The following TRABD2B variants were observed in gnomAD, a reference collection of about 807,000 sequenced individuals.
TRABD2B encodes TraB domain containing 2B.
A neutral mutation model predicts 40.1 loss-of-function variants in TRABD2B; 14 were observed. The ratio of observed to expected loss-of-function variants is 0.35; its 90% CI spans 0.23 to 0.55. The LOEUF (loss-of-function observed/expected upper bound fraction) is 0.55. TRABD2B is among the 20% of genes least tolerant of loss of function. The pLI is 0.90. For missense variants in TRABD2B, 541 were observed against 648.6 expected, an observed-to-expected ratio of 0.83 and a Z score of 1.80; for synonymous variants, 263 against 277.0, an observed-to-expected ratio of 0.95 and a Z score of 0.50.
At chr1:47,988,796 A>C (rs1038131587) in intron 2 of TRABD2B, among the ~76,000 whole-genome samples, 5 of 152,214 alleles carry the variant, frequency 3.3e-5, no homozygotes, top group African/African-American at 4.8e-5. Context: ...AAAGGGGGGC[A>C]AATTAGGCCT....
chr1:47,962,496 G>T (rs572169377), intron 2 of TRABD2B, among the ~76,000 whole-genome samples: 49 of 152,188 alleles, frequency 3.2e-4, no homozygotes, highest in African/African-American at 9.6e-4. Flanking sequence ...CCTACAGTTT[G>T]CTCTGTCTCT....
At chr1:47,825,340 G>A (rs1210700802) in intron 2 of TRABD2B, among the ~76,000 whole-genome samples, 1 of 152,140 alleles carries the variant, frequency 6.6e-6, no homozygotes, top group East Asian at 1.9e-4. Flanking sequence ...GGCTCCCACT[G>A]CCTCCTTATC....
intron 2 of TRABD2B, among the ~76,000 whole-genome samples, chr1:47,817,794 C>G (rs1006791454): frequency 2.6e-5 from 4 of 152,184 alleles, no homozygotes; most frequent in African/African-American, 9.6e-5. Context: ...CCATCCCCAG[C>G]CACACCCAGA....
At chr1:47,968,549 C>T (rs1362822498) in intron 2 of TRABD2B, among the ~76,000 whole-genome samples, 2 of 152,132 alleles carry the variant, frequency 1.3e-5, no homozygotes, top group Admixed American at 6.5e-5. Flanking sequence ...CATGCACATG[C>T]GTGCACACAC....
At position 47,996,735 on chromosome 1, in the gene TRABD2B, C is replaced by G; in HGVS notation, c.55G>C (p.Ala19Pro). The G allele has an allele frequency of 8.2e-7, 1 of 1,226,478 alleles. No homozygotes were observed. The highest frequency in any genetic ancestry group is 1.0e-6 in the Non-Finnish European group (1 of 983,796). 76.0% of individuals were successfully genotyped at this position (1,226,478 alleles called of 1,614,324 possible). A position where few individuals can be genotyped will look rare whatever the true frequency, so the allele number is the denominator to read the frequency against. Residue 19 changes from alanine (A) to proline (P), a missense_variant, in exon 1 of 7, where the codon GCC becomes CCC. Physicochemically the swap from Ala to Pro is conservative, Grantham distance 27. Around this residue, in one of 2 missense-constraint regions of TRABD2B, gnomAD observed 369 missense variants for 492.8 expected, o/e 0.75. Transcript: ENST00000606738. The surrounding 1 kb of genome is among the most constrained non-coding windows in gnomAD (Gnocchi z 4.6). ...CCTCCGTCCGGGGGCTGCGGGCGGG[C>G]GCGAGCGGTGGCGAGGAGGGCGGCG... is the stretch of plus-strand genomic sequence containing the variant. ...LLAALLATAR[A>P]RPQPPDGGQC...
chr1:47,982,255 A>G (rs1645851563), intron 2 of TRABD2B, among the ~76,000 whole-genome samples: 1 of 152,174 alleles, frequency 6.6e-6, no homozygotes, highest in Non-Finnish European at 1.5e-5. Context: ...TCACTTCAAG[A>G]CAGACATTGT....
Position 47,761,197 on chromosome 1 carries a change from C to G in TRABD2B, c.*4705G>C, listed in dbSNP as rs892532845. The G allele has an allele frequency of 6.6e-6, 1 of 152,436 alleles. No homozygotes were observed. The highest frequency in any genetic ancestry group is 1.5e-5 in the Non-Finnish European group (1 of 68,206). 9.4% of individuals were successfully genotyped at this position (152,436 alleles called of 1,614,324 possible). On this transcript the variant is annotated 3_prime_UTR_variant, in exon 7 of 7. Transcript: ENST00000606738. ...CAGGAACTTGCCCAAGGTCATCCAG[C>G]AAAGTGAAGGAGTATCCAGAGTATC...
At chr1:47,970,664 G>A (rs775126910) in intron 2 of TRABD2B, among the ~76,000 whole-genome samples, 6 of 152,118 alleles carry the variant, frequency 3.9e-5, no homozygotes, top group Admixed American at 6.5e-5. Context: ...TGGGTCAGCC[G>A]GGGGTTGGTT....
intron 2 of TRABD2B, among the ~76,000 whole-genome samples, chr1:47,939,413 T>C (rs1645156621): frequency 6.6e-6 from 1 of 152,180 alleles, no homozygotes; most frequent in South Asian, 2.1e-4. Flanking sequence ...TAAATGATAG[T>C]AGTAGTAATA....
chr1:47,960,916 C>T (rs1390794265), intron 2 of TRABD2B, among the ~76,000 whole-genome samples: 2 of 151,994 alleles, frequency 1.3e-5, no homozygotes, highest in South Asian at 2.1e-4. Flanking sequence ...CAATCCTGAG[C>T]CAAAAGAACA....
chr1:47,789,688 G>C lies in TRABD2B; in HGVS notation c.988+4898C>G, dbSNP rs375290491. Among the ~76,000 whole-genome samples, 230 of 152,156 alleles carry C rather than the reference G, an allele frequency of 1.5e-3. 1 individual carries two copies. The highest frequency in any genetic ancestry group is 5.4e-3 in the African/African-American group (224 of 41,508). ...ATTAGAAGCCATCAGCTGAGAATTT[G>C]CTCCCTTTTTGGCTGCCAAATTACT... On this transcript the variant is annotated intron_variant, in intron 4 of 6. Transcript: ENST00000606738.
chr1:47,816,534 C>A (rs1450506104), intron 2 of TRABD2B, among the ~76,000 whole-genome samples: 1 of 152,164 alleles, frequency 6.6e-6, no homozygotes, highest in Non-Finnish European at 1.5e-5. Flanking sequence ...TTTGCACATG[C>A]TGGTCCTTCT....
At chr1:47,776,179 C>T (rs986298045) in intron 5 of TRABD2B, among the ~76,000 whole-genome samples, 1 of 151,870 alleles carries the variant, frequency 6.6e-6, no homozygotes, top group Non-Finnish European at 1.5e-5. Flanking sequence ...TAGCATTGTG[C>T]ATTCATCCAA....
At chr1:47,927,049 A>G (rs1644979732) in intron 2 of TRABD2B, among the ~76,000 whole-genome samples, 1 of 152,208 alleles carries the variant, frequency 6.6e-6, no homozygotes, top group African/African-American at 2.4e-5. Flanking sequence ...CAAAGAAAGG[A>G]TTGATGGAGG....
chr1:47,870,049 T>C (rs1644118534), intron 2 of TRABD2B, among the ~76,000 whole-genome samples: 1 of 152,190 alleles, frequency 6.6e-6, no homozygotes, highest in Non-Finnish European at 1.5e-5. Context: ...CCCCATTTCT[T>C]ACCTTGAATA....
Position 47,864,439 on chromosome 1 carries a change from A to T in TRABD2B, c.667-62820T>A, listed in dbSNP as rs188246487. On this transcript the variant is annotated intron_variant, in intron 2 of 6. Coordinates refer to ENST00000606738, the MANE Select transcript of TRABD2B (RefSeq NM_001194986.2). Reference sequence around the variant, plus strand: ...ATGAGAACTCCGTAACTTCCTCTCAATGTTGTTGTAAACCTAAAACTGCTC... The same window carrying T: ...ATGAGAACTCCGTAACTTCCTCTCATTGTTGTTGTAAACCTAAAACTGCTC... Among the ~76,000 whole-genome samples, 109 of 152,146 alleles carry T rather than the reference A, an allele frequency of 7.2e-4. 1 individual carries two copies. Among genetic ancestry groups the T allele is most frequent in the African/African-American group, 2.5e-3 (102 of 41,504 alleles).
intron 2 of TRABD2B, among the ~76,000 whole-genome samples, chr1:47,953,798 C>T (rs1433549560): frequency 6.6e-6 from 1 of 152,190 alleles, no homozygotes; most frequent in Non-Finnish European, 1.5e-5. Context: ...TTTCACCTAG[C>T]TTGGGGTTTG....
At position 47,835,665 on chromosome 1, in the gene TRABD2B, C is replaced by T. The variant is rs1342851856; in HGVS notation, c.667-34046G>A. Among the ~76,000 whole-genome samples, 3 of 152,334 alleles carry T rather than the reference C, an allele frequency of 2.0e-5. No individual in the cohort carries two copies. In the East Asian group the frequency reaches 5.8e-4, roughly 29 times the overall value. On this transcript the variant is annotated intron_variant, in intron 2 of 6. Coordinates refer to ENST00000606738, the MANE Select transcript of TRABD2B (RefSeq NM_001194986.2). ...CGTCAATGAAGAATTCTATATCCAGCAAAACTATCTCTCAATAACAAAGAA... is the reference window on the plus strand; with the variant it reads ...CGTCAATGAAGAATTCTATATCCAGTAAAACTATCTCTCAATAACAAAGAA...
intron 2 of TRABD2B, among the ~76,000 whole-genome samples, chr1:47,883,062 T>C (rs765559519): frequency 6.6e-6 from 1 of 152,220 alleles, no homozygotes; most frequent in Non-Finnish European, 1.5e-5. Context: ...ATTATCATTC[T>C]AGTAGTTCTC....
Sources: gnomAD v4.1 joint callset for allele counts (sites outside exome capture counted in the v4.1 genomes callset) on GRCh38, gnomAD v4.1.1 for gene constraint, gnomAD v4.1.1 regional missense constraint, Gnocchi (gnomAD v3.1) non-coding constraint, MANE v1.5 for transcripts, NCBI Gene and HGNC (gene_info 2026-07-23, HGNC 2026-07-21) for gene names.